Variants in ARID1A observed in about 807,000 individuals in gnomAD.
ARID1A encodes AT-rich interaction domain 1A.
In ARID1A, 20 loss-of-function variants were observed where a neutral mutation model predicts 212.6. The observed-to-expected ratio is 0.09, with a 90% CI of 0.07 to 0.14. The LOEUF (loss-of-function observed/expected upper bound fraction) is 0.14. Ranked by LOEUF, ARID1A falls within the 10% of genes least tolerant of loss-of-function variation. ARID1A has a pLI of 1.00. For synonymous variants in ARID1A, 1,376 were observed against 1,222.1 expected, an observed-to-expected ratio of 1.13 and a Z score of -2.63; for missense variants, 2,587 against 3,059.0, an observed-to-expected ratio of 0.85 and a Z score of 3.64.
At chr1:26,707,458 C>T (rs1420847512) in intron 1 of ARID1A, among the ~76,000 whole-genome samples, 2 of 151,952 alleles carry the variant, frequency 1.3e-5, no homozygotes, top group African/African-American at 2.4e-5. Context: ...CTACCCGTCT[C>T]GGCCTCCCAA....
intron 4 of ARID1A, among the ~76,000 whole-genome samples, chr1:26,744,305 AGTCGCTG>A (rs1364712465): frequency 6.6e-6 from 1 of 152,184 alleles, no homozygotes; most frequent in Non-Finnish European, 1.5e-5. Context: ...TTTCTATTCT[AGTCGCTG>A]GTGGCTCAGC....
At chr1:26,763,357 GCTTCTGGAC>G in intron 8 of ARID1A, 72 bp downstream of exon 8, 2 of 1,460,618 alleles carry the variant, frequency 1.4e-6, no homozygotes, top group East Asian at 4.8e-5. Context: ...TTATTGAGAT[GCTTCTGGAC>G]CTAAACCAGG....
rs2080280810 is a variant in ARID1A, at chr1:26,697,358, G to A, written c.955G>A (p.Gly319Arg). The change falls in exon 1 of 20, where the codon GGG becomes AGG. Residue 319 changes from glycine (G) to arginine (R), a missense_variant. Gly to Arg is a moderately radical substitution (Grantham distance 125). This residue lies in a region of ARID1A where 735 missense variants were observed against 590.6 expected (regional missense o/e 1.24). Coordinates refer to ENST00000324856, the MANE Select transcript of ARID1A (RefSeq NM_006015.6). ...QGYPGGDYSG[G>R]PQDGGAGKGP... is the part of the protein sequence containing the mutation. ...CTACCCCGGGGGCGACTACAGTGGC[G>A]GGCCCCAGGACGGGGGCGCCGGCAA... is the stretch of plus-strand genomic sequence containing the variant. 4 of 1,320,888 alleles carry A rather than the reference G, an allele frequency of 3.0e-6. No homozygotes were observed. In the East Asian group the frequency reaches 1.2e-4, roughly 41 times the overall value. 81.8% of individuals were successfully genotyped at this position (1,320,888 alleles called of 1,614,324 possible).
chr1:26,775,772 T>TCC, intron 19 of ARID1A, 65 bp downstream of exon 19: 1 of 1,609,112 alleles, frequency 6.2e-7, no homozygotes, highest in African/African-American at 1.3e-5. Context: ...ACAATGGGAA[T>TCC]GTCTCATCTT....
rs1159025704 is a variant in ARID1A at position 26,766,511 on chromosome 1, C to T, written c.2933C>T (p.Ala978Val). 3 of 1,613,994 alleles carry T rather than the reference C, an allele frequency of 1.9e-6. No individual in the cohort carries two copies. The highest frequency in any genetic ancestry group is 1.1e-5 in the South Asian group (1 of 91,052). Residue 978 changes from alanine (A) to valine (V), a missense_variant, in exon 10 of 20, where the codon GCC becomes GTC. Coordinates refer to ENST00000324856, the MANE Select transcript of ARID1A (RefSeq NM_006015.6). ...CTTGGGGATGTAAAGTTAACTCCAG[C>T]CACCAAAATGAACAACAAGGCAGAT... ...MGLGDVKLTP[A>V]TKMNNKADGT... is the part of the protein sequence containing the mutation.
chr1:26,755,780 G>T (rs191841728), intron 4 of ARID1A, among the ~76,000 whole-genome samples: 21 of 151,182 alleles, frequency 1.4e-4, no homozygotes, highest in African/African-American at 5.1e-4. Flanking sequence ...GTCTCGCTCT[G>T]TTGCCCAGGC....
chr1:26,757,644 T>G (rs1382202524), intron 4 of ARID1A, among the ~76,000 whole-genome samples: 2 of 152,180 alleles, frequency 1.3e-5, no homozygotes, highest in Non-Finnish European at 2.9e-5. Context: ...CATGTTTTAC[T>G]TGTATAAAGA....
intron 11 of ARID1A, chr1:26,770,865 G>A: frequency 2.0e-6 from 1 of 491,278 alleles, no homozygotes; most frequent in Non-Finnish European, 3.6e-6. Flanking sequence ...TGTTCCAGTA[G>A]TAATGTGAAA....
At position 26,696,987 on chromosome 1, in the gene ARID1A, A is replaced by T. The variant is rs2124742570; in HGVS notation, c.584A>T (p.Tyr195Phe). The change falls in exon 1 of 20, where the codon TAC becomes TTC. Residue 195 changes from tyrosine (Y) to phenylalanine (F), a missense_variant. Tyr to Phe is a conservative substitution (Grantham distance 22). Transcript: ENST00000324856. ...GGCGGCGGCGGGGGCCTGGAGCCCT[A>T]CGCGGGGCCCCAGCAGAACTCTCAC... ...QSGGGGGLEP[Y>F]AGPQQNSHDH... 1 of 1,504,926 alleles carries T rather than the reference A, an allele frequency of 6.6e-7. No individual in the cohort carries two copies. The highest frequency in any genetic ancestry group is 8.8e-7 in the Non-Finnish European group (1 of 1,130,110). The allele number at this position is 1,504,926 out of a possible 1,614,324, so 93.2% of individuals were successfully genotyped here.
chr1:26,775,989 G>A, intron 19 of ARID1A: 1 of 534,162 alleles, frequency 1.9e-6, no homozygotes. Context: ...TGCCAGTGGG[G>A]ACACCACATT....
chr1:26,761,682 G>C (rs2080993678), intron 6 of ARID1A, among the ~76,000 whole-genome samples: 2 of 152,218 alleles, frequency 1.3e-5, no homozygotes, highest in Non-Finnish European at 2.9e-5. Context: ...ATAGTGATCA[G>C]ATCAGGGTAA....
chr1:26,724,325 C>T (rs541121447), intron 1 of ARID1A, among the ~76,000 whole-genome samples: 2 of 152,178 alleles, frequency 1.3e-5, no homozygotes, highest in African/African-American at 4.8e-5. Context: ...TGGCCCTTGG[C>T]ACTGTTGAGT....
At chr1:26,762,707 T>A (rs1163138639) in intron 7 of ARID1A, among the ~76,000 whole-genome samples, 1 of 152,214 alleles carries the variant, frequency 6.6e-6, no homozygotes, top group Admixed American at 6.5e-5. Context: ...AAGTTGAGAA[T>A]CTTACACAGA....
In ARID1A at chr1:26,696,731, A is replaced by AG; in HGVS notation, c.330dup (p.Pro111AlafsTer6). On this transcript the variant is annotated frameshift_variant, in exon 1 of 20. Coordinates refer to ENST00000324856, the MANE Select transcript of ARID1A (RefSeq NM_006015.6). LOFTEE classifies it high-confidence loss of function. ...GAACTCGAACGGGAACGCGGGCCCT[A>AG]GGCCCGCCCTGAACAATAACCTCAC... The AG allele has an allele frequency of 7.3e-7, 1 of 1,371,792 alleles. No homozygotes were observed. The highest frequency in any genetic ancestry group is 9.4e-7 in the Non-Finnish European group (1 of 1,064,040). 85.0% of individuals were successfully genotyped at this position (1,371,792 alleles called of 1,614,324 possible).
At chr1:26,728,959 T>G (rs1472975185) in intron 1 of ARID1A, 2 of 152,222 alleles carry the variant, frequency 1.3e-5, no homozygotes, top group African/African-American at 2.4e-5. Context: ...CCTCTCTGTC[T>G]TCTTGCTCTT....
intron 4 of ARID1A, among the ~76,000 whole-genome samples, chr1:26,760,133 A>G (rs548300799): frequency 3.3e-5 from 5 of 152,386 alleles, no homozygotes; most frequent in Admixed American, 3.3e-4. Flanking sequence ...TTAGAAAAGA[A>G]CTAAAGCCTC....
chr1:26,741,624 C>CT (rs956121068), intron 4 of ARID1A, among the ~76,000 whole-genome samples: 2 of 152,012 alleles, frequency 1.3e-5, no homozygotes, highest in African/African-American at 4.8e-5. Flanking sequence ...ACGCTATACC[C>CT]TTGGCTGAAA....
At chr1:26,765,885 C>A in intron 8 of ARID1A, 1 of 188,224 alleles carries the variant, frequency 5.3e-6, no homozygotes, top group Non-Finnish European at 1.1e-5. Flanking sequence ...AAAAGAAAAT[C>A]TGGGTGTTAG....
chr1:26,706,385 T>C (rs2080392427), intron 1 of ARID1A, among the ~76,000 whole-genome samples: 1 of 152,186 alleles, frequency 6.6e-6, no homozygotes, highest in African/African-American at 2.4e-5. Context: ...TCTTTTCCCC[T>C]TAAGATCTAG....
Sources: allele counts gnomAD v4.1 joint callset (sites outside exome capture counted in the v4.1 genomes callset), GRCh38; gene constraint gnomAD v4.1.1; regional missense constraint gnomAD v4.1.1; transcripts MANE v1.5; gene names NCBI Gene and HGNC (gene_info 2026-07-23, HGNC 2026-07-21).